BCAS1: variants seen among roughly 807,000 people sequenced by gnomAD.
BCAS1 encodes breast carcinoma-amplified sequence 1.
In BCAS1, 46 loss-of-function variants were observed where a neutral mutation model predicts 65.4. That is an observed-to-expected ratio of 0.70 (90% CI 0.55 to 0.90). BCAS1 has a LOEUF of 0.90. BCAS1 is among the 40% of genes least tolerant of loss of function. The pLI is 0.00. For missense variants in BCAS1, 793 were observed against 771.2 expected, an observed-to-expected ratio of 1.03 and a Z score of -0.33; for synonymous variants, 298 against 293.5, an observed-to-expected ratio of 1.02 and a Z score of -0.16.
chr20:54,027,973 G>A (rs6097731), intron 4 of BCAS1, among the ~76,000 whole-genome samples: 35,695 of 151,958 alleles, frequency 0.23, 4,192 homozygotes, highest in East Asian at 0.31. Flanking sequence ...AACAGTAAGG[G>A]ACGAAATGTG....
intron 3 of BCAS1, among the ~76,000 whole-genome samples, chr20:54,046,142 T>A (rs1019993112): frequency 6.6e-6 from 1 of 152,212 alleles, no homozygotes; most frequent in Admixed American, 6.5e-5. Context: ...TTAAAATGCA[T>A]ACTAATAGTT....
Position 53,957,477 on chromosome 20 carries a change from C to T in BCAS1, c.1506G>A (p.Gly502=). ...LRQMSVKGDG[G]ITHSEEINGK... ...CATTTATTTCTTCTGAGTGGGTGAT[C>T]CCTCCATCCCCTTTCACTGACTAAA... Residue 502 remains glycine (G), a synonymous_variant, in exon 11 of 13, where the codon GGG becomes GGA. Coordinates refer to ENST00000688948, the MANE Select transcript of BCAS1 (RefSeq NM_001366298.2). 6.2e-7 allele frequency: 1 copy of T among 1,614,084 alleles called. No homozygotes were observed.
At chr20:54,006,856 T>C (rs890902796) in intron 4 of BCAS1, among the ~76,000 whole-genome samples, 1 of 151,992 alleles carries the variant, frequency 6.6e-6, no homozygotes, top group African/African-American at 2.4e-5. Context: ...GCAGTGAGAG[T>C]ACAGCTCACA....
intron 12 of BCAS1, among the ~76,000 whole-genome samples, chr20:53,951,535 T>G (rs1257339897): frequency 1.3e-5 from 2 of 152,186 alleles, no homozygotes; most frequent in Non-Finnish European, 2.9e-5. Flanking sequence ...TTCCTGGTCC[T>G]TTAGGAACTT....
chr20:54,030,175 T>A (rs769231740), intron 3 of BCAS1, among the ~76,000 whole-genome samples: 2 of 152,306 alleles, frequency 1.3e-5, no homozygotes, highest in Middle Eastern at 3.4e-3. Context: ...GACCCTACTA[T>A]AAATCAGTGA....
intron 4 of BCAS1, 107 bp downstream of exon 4, chr20:54,028,285 G>T: frequency 8.8e-7 from 1 of 1,133,982 alleles, no homozygotes; most frequent in Non-Finnish European, 1.3e-6. Flanking sequence ...TCAACAGCTT[G>T]CCACCTTGCC....
intron 4 of BCAS1, among the ~76,000 whole-genome samples, chr20:54,012,871 C>T (rs917531353): frequency 1.3e-5 from 2 of 152,076 alleles, no homozygotes; most frequent in African/African-American, 4.8e-5. Flanking sequence ...GATCCCAGGC[C>T]CAGCTGATTT....
intron 3 of BCAS1, among the ~76,000 whole-genome samples, chr20:54,033,808 G>T (rs527677562): frequency 4.0e-5 from 6 of 151,364 alleles, no homozygotes; most frequent in African/African-American, 1.4e-4. Flanking sequence ...GATGAGGCCA[G>T]CATCATCCTG....
At chr20:53,952,972 AAAT>A (rs2089573991) in intron 12 of BCAS1, among the ~76,000 whole-genome samples, 1 of 151,718 alleles carries the variant, frequency 6.6e-6, no homozygotes, top group Non-Finnish European at 1.5e-5. Context: ...AATATAATGT[AAAT>A]AAAATCAGCC....
rs1306838736 is a variant in BCAS1, at chr20:54,061,706, G to T, written c.-5-2983C>A. On this transcript the variant is annotated intron_variant, in intron 1 of 12. Transcript: ENST00000688948. ...AATCTGGGGATTTTGTATGTCTTCTGATCATACCACATAATAAAGCTGAGC... is the reference window on the plus strand; with the variant it reads ...AATCTGGGGATTTTGTATGTCTTCTTATCATACCACATAATAAAGCTGAGC... Among the ~76,000 whole-genome samples, 7 of 152,314 alleles carry T rather than the reference G, an allele frequency of 4.6e-5. No individual in the cohort carries two copies. The East Asian group carries it at 1.2e-3, about 25-fold the overall frequency.
intron 4 of BCAS1, among the ~76,000 whole-genome samples, chr20:54,019,194 T>C (rs1231428906): frequency 6.6e-6 from 1 of 152,222 alleles, no homozygotes; most frequent in Non-Finnish European, 1.5e-5. Context: ...ACTTCTGGTC[T>C]AAATGCCTAG....
Position 53,974,145 on chromosome 20 carries a change from C to T in BCAS1, c.1317+1244G>A, listed in dbSNP as rs527992645. Among the ~76,000 whole-genome samples the T allele has an allele frequency of 5.0e-4, 76 of 152,292 alleles. 1 individual carries two copies. In the South Asian group the frequency reaches 0.011, roughly 23 times the overall value. ...ACTCTGTAAAATGGACCAATCAGCA[C>T]TCTGTAAAATGGACCAATTAGCAGG... is the stretch of plus-strand genomic sequence containing the variant. On this transcript the variant is annotated intron_variant, in intron 9 of 12. Transcript: ENST00000688948.
chr20:54,008,522 G>A (rs976279709), intron 4 of BCAS1, among the ~76,000 whole-genome samples: 5 of 152,208 alleles, frequency 3.3e-5, no homozygotes, highest in African/African-American at 7.2e-5. Context: ...GTATACCCCC[G>A]CCCCCCAACA....
intron 11 of BCAS1, among the ~76,000 whole-genome samples, chr20:53,954,107 A>G (rs1474938160): frequency 2.0e-5 from 3 of 152,226 alleles, no homozygotes; most frequent in Non-Finnish European, 2.9e-5. Context: ...TTGGCTCAGC[A>G]TAGCCAAATG....
At chr20:53,991,778 A>C (rs1434134521) in intron 7 of BCAS1, among the ~76,000 whole-genome samples, 1 of 152,228 alleles carries the variant, frequency 6.6e-6, no homozygotes, top group Non-Finnish European at 1.5e-5. Context: ...TAACATTATT[A>C]CTTGAGGTTA....
intron 8 of BCAS1, among the ~76,000 whole-genome samples, chr20:53,981,246 C>T (rs1422618190): frequency 3.9e-5 from 6 of 152,146 alleles, no homozygotes; most frequent in African/African-American, 1.2e-4. Flanking sequence ...TCTATTAAGC[C>T]CAGATTGGTC....
intron 9 of BCAS1, among the ~76,000 whole-genome samples, chr20:53,969,557 G>T (rs986548562): frequency 4.6e-5 from 7 of 152,098 alleles, no homozygotes; most frequent in African/African-American, 1.7e-4. Flanking sequence ...TTACAATAAG[G>T]ATGGCATTTT....
intron 4 of BCAS1, among the ~76,000 whole-genome samples, 172 bp from the exon 5 acceptor site, chr20:53,996,222 C>A (rs2090905760): frequency 6.6e-6 from 1 of 152,146 alleles, no homozygotes; most frequent in Non-Finnish European, 1.5e-5. Flanking sequence ...CTTCCCTCCC[C>A]CTCTTTCTAA....
At chr20:54,044,927 C>A (rs1204602034) in intron 3 of BCAS1, among the ~76,000 whole-genome samples, 1 of 151,728 alleles carries the variant, frequency 6.6e-6, no homozygotes, top group Non-Finnish European at 1.5e-5. Flanking sequence ...AATACTTATG[C>A]CAGAGGAGTG....
Sources: allele counts gnomAD v4.1 joint callset (sites outside exome capture counted in the v4.1 genomes callset), GRCh38; gene constraint gnomAD v4.1.1; transcripts MANE v1.5; gene names NCBI Gene and HGNC (gene_info 2026-07-23, HGNC 2026-07-21).